Variants in RBPMS observed in about 807,000 individuals in gnomAD.
The protein encoded by RBPMS is RNA-binding protein with multiple splicing.
RBPMS carries 7 observed loss-of-function variants against 26.8 expected under a neutral mutation model. The observed-to-expected ratio is 0.26, with a 90% CI of 0.15 to 0.49. RBPMS has a LOEUF of 0.49. Ranked by LOEUF, RBPMS falls within the 20% of genes least tolerant of loss-of-function variation. The pLI is 0.98. For synonymous variants in RBPMS, 96 were observed against 93.3 expected, an observed-to-expected ratio of 1.03 and a Z score of -0.17; for missense variants, 186 against 250.0, an observed-to-expected ratio of 0.74 and a Z score of 1.73.
At chr8:30,519,468 T>C (rs1341995955) in intron 5 of RBPMS, among the ~76,000 whole-genome samples, 47 of 1,402 alleles carry the variant, frequency 0.034, 5 homozygotes, top group African/African-American at 0.041. Context: ...CTTTTTTTTT[T>C]TTTTTTTTTT....
At chr8:30,501,260 A>AC in intron 4 of RBPMS, among the ~76,000 whole-genome samples, 1 of 92,136 alleles carries the variant, frequency 1.1e-5, no homozygotes, top group Admixed American at 1.2e-4. Flanking sequence ...CAGCCACCCC[A>AC]CCCCTGACCC....
chr8:30,431,689 G>T (rs1051709223), intron 1 of RBPMS, among the ~76,000 whole-genome samples: 5 of 152,270 alleles, frequency 3.3e-5, no homozygotes, highest in Admixed American at 3.3e-4. Context: ...GACCTCAGGT[G>T]ATCCGGCCTG....
intron 5 of RBPMS, among the ~76,000 whole-genome samples, chr8:30,533,434 A>T (rs1322605191): frequency 6.6e-6 from 1 of 152,214 alleles, no homozygotes; most frequent in East Asian, 1.9e-4. Flanking sequence ...TTGGAAAAGG[A>T]GGGCACTTTT....
chr8:30,482,142 A>G (rs1043693671), intron 4 of RBPMS, among the ~76,000 whole-genome samples: 1 of 152,206 alleles, frequency 6.6e-6, no homozygotes, highest in African/African-American at 2.4e-5. Context: ...TGAAGCTAAT[A>G]GGTATATTCT....
chr8:30,496,002 TGGA>T (rs1819899077), intron 4 of RBPMS, among the ~76,000 whole-genome samples: 1 of 152,210 alleles, frequency 6.6e-6, no homozygotes, highest in African/African-American at 2.4e-5. Flanking sequence ...ATTATTTTTC[TGGA>T]TCTTTTTTCA....
At chr8:30,557,857 G>C (rs1487649431) in intron 6 of RBPMS, among the ~76,000 whole-genome samples, 1 of 152,136 alleles carries the variant, frequency 6.6e-6, no homozygotes, top group Admixed American at 6.5e-5. Context: ...TGCCCTTTTG[G>C]GTGTTTTTTG....
chr8:30,560,015 C>CG (rs1827315288), intron 7 of RBPMS, among the ~76,000 whole-genome samples: 2 of 152,044 alleles, frequency 1.3e-5, no homozygotes, highest in Non-Finnish European at 2.9e-5. Flanking sequence ...AGAACAGGCC[C>CG]CTGGTCAACT....
intron 1 of RBPMS, among the ~76,000 whole-genome samples, chr8:30,393,573 A>G (rs1477931972): frequency 6.7e-6 from 1 of 150,286 alleles, no homozygotes; most frequent in Non-Finnish European, 1.5e-5. Context: ...CTCAGCCTGG[A>G]GTGCAGTGGC....
intron 3 of RBPMS, among the ~76,000 whole-genome samples, chr8:30,478,780 G>A (rs950233345): frequency 1.3e-5 from 2 of 152,208 alleles, no homozygotes; most frequent in Non-Finnish European, 2.9e-5. Context: ...TTACAGGCGT[G>A]AGCCACCCTG....
At chr8:30,491,360 G>A (rs1275158572) in intron 4 of RBPMS, among the ~76,000 whole-genome samples, 1 of 152,106 alleles carries the variant, frequency 6.6e-6, no homozygotes, top group Non-Finnish European at 1.5e-5. Context: ...TTATCTTTGG[G>A]GGAGGGGGAA....
chr8:30,424,600 G>T (rs949330716), intron 1 of RBPMS, among the ~76,000 whole-genome samples: 1 of 152,198 alleles, frequency 6.6e-6, no homozygotes. Flanking sequence ...AACCTCTCTA[G>T]ATCTTAATCT....
intron 1 of RBPMS, among the ~76,000 whole-genome samples, chr8:30,423,605 GA>G (rs1342191003): frequency 1.4e-5 from 2 of 144,816 alleles, no homozygotes; most frequent in Non-Finnish European, 3.0e-5. Flanking sequence ...TGTGTCTCAG[GA>G]CCAAACAATC....
At chr8:30,433,367 G>T (rs910568186) in intron 1 of RBPMS, among the ~76,000 whole-genome samples, 2 of 152,150 alleles carry the variant, frequency 1.3e-5, no homozygotes, top group Non-Finnish European at 2.9e-5. Flanking sequence ...TCTTTAAGGG[G>T]TGCATTTTCT....
chr8:30,468,770 C>A (rs1196030950), intron 1 of RBPMS, among the ~76,000 whole-genome samples: 1 of 152,088 alleles, frequency 6.6e-6, no homozygotes, highest in Admixed American at 6.6e-5. Context: ...AATGGTTTCT[C>A]CAAAACAATG....
intron 5 of RBPMS, among the ~76,000 whole-genome samples, chr8:30,539,064 T>G (rs879316216): frequency 2.0e-5 from 3 of 152,228 alleles, no homozygotes; most frequent in Admixed American, 2.0e-4. Flanking sequence ...ATCAGCTACT[T>G]GCTGAGGTAT....
At chr8:30,554,824 A>G (rs1826715785) in intron 6 of RBPMS, among the ~76,000 whole-genome samples, 1 of 152,158 alleles carries the variant, frequency 6.6e-6, no homozygotes, top group Non-Finnish European at 1.5e-5. Flanking sequence ...TGAGCCAGTC[A>G]CCTGCTAAGC....
At chr8:30,524,258 T>C (rs1374971156) in intron 5 of RBPMS, among the ~76,000 whole-genome samples, 3 of 152,210 alleles carry the variant, frequency 2.0e-5, no homozygotes, top group Non-Finnish European at 2.9e-5. Flanking sequence ...TTCCTTTTTA[T>C]GTTTGTTTAT....
chr8:30,504,194 G>T, intron 4 of RBPMS, 92 bp from the exon 5 acceptor site: 1 of 1,350,266 alleles, frequency 7.4e-7, no homozygotes. Flanking sequence ...TTTCCTGATA[G>T]ACCAGGGTTT....
chr8:30,503,125 T>C (rs1190634218), intron 4 of RBPMS, among the ~76,000 whole-genome samples: 1 of 151,952 alleles, frequency 6.6e-6, no homozygotes, highest in Non-Finnish European at 1.5e-5. Flanking sequence ...TCCTTCCCCT[T>C]CCCCCCTTGT....
Sources: gnomAD v4.1 joint callset for allele counts (sites outside exome capture counted in the v4.1 genomes callset) on GRCh38, gnomAD v4.1.1 for gene constraint, MANE v1.5 for transcripts, NCBI Gene and HGNC (gene_info 2026-07-23, HGNC 2026-07-21) for gene names.